The following ZNF583 variants were observed in gnomAD, a reference collection of about 807,000 sequenced individuals.
The protein encoded by ZNF583 is zinc finger protein 583.
A neutral mutation model predicts 55.3 loss-of-function variants in ZNF583; 30 were observed. The ratio of observed to expected loss-of-function variants is 0.54; its 90% confidence interval spans 0.41 to 0.74. The LOEUF is 0.74. Among genes scored for constraint, ZNF583 ranks in the 30% least tolerant of loss-of-function variants. The pLI is 0.00. For missense variants in ZNF583, 504 were observed against 664.7 expected, an observed-to-expected ratio of 0.76 and a Z score of 2.66; for synonymous variants, 208 against 220.0, an observed-to-expected ratio of 0.95 and a Z score of 0.48.
intron 4 of ZNF583, among the ~76,000 whole-genome samples, chr19:56,415,064 C>T (rs952257627): frequency 6.7e-6 from 1 of 149,822 alleles, no homozygotes; most frequent in Non-Finnish European, 1.5e-5. Flanking sequence ...TTGTTTTTCC[C>T]TTTCTCAGTT....
At chr19:56,419,975 C>T (rs1483857651) in intron 4 of ZNF583, among the ~76,000 whole-genome samples, 1 of 151,808 alleles carries the variant, frequency 6.6e-6, no homozygotes, top group African/African-American at 2.4e-5. Flanking sequence ...TTCTACTTTC[C>T]TTAAGTTTAC....
intron 4 of ZNF583, among the ~76,000 whole-genome samples, chr19:56,418,999 G>A (rs906262009): frequency 5.3e-5 from 8 of 151,580 alleles, no homozygotes; most frequent in Admixed American, 2.0e-4. Context: ...AAATGATCAT[G>A]TGATTTTTTT....
intron 4 of ZNF583, among the ~76,000 whole-genome samples, chr19:56,418,130 A>G (rs1198581455): frequency 6.6e-6 from 1 of 152,166 alleles, no homozygotes; most frequent in Non-Finnish European, 1.5e-5. Flanking sequence ...ATTTCATATA[A>G]ATTTTAGAAT....
rs375327654 is a variant in ZNF583 at position 56,424,410 on chromosome 19, C to T, written c.*42C>T. The T allele has an allele frequency of 3.6e-6, 3 of 822,354 alleles. No individual in the cohort carries two copies. The highest frequency in any genetic ancestry group is 6.0e-6 in the Non-Finnish European group (3 of 499,492). The allele number at this position is 822,354 out of a possible 1,614,324, so 50.9% of individuals were successfully genotyped here. A position where few individuals can be genotyped will look rare whatever the true frequency, so the allele number is the denominator to read the frequency against. ...CCTCTTGAATCCATTTCCATCCCAT[C>T]ATCCTTGTCCAATGCACATTAATAT... On this transcript the variant is annotated 3_prime_UTR_variant, in exon 5 of 5. Transcript: ENST00000333201.
At chr19:56,410,102 C>G (rs2042214146) in intron 2 of ZNF583, among the ~76,000 whole-genome samples, 1 of 152,110 alleles carries the variant, frequency 6.6e-6, no homozygotes, top group Non-Finnish European at 1.5e-5. Flanking sequence ...TTTGTAATTA[C>G]TGCTTTAGAA....
At chr19:56,408,613 C>T (rs1297584483) in intron 2 of ZNF583, among the ~76,000 whole-genome samples, 3 of 152,048 alleles carry the variant, frequency 2.0e-5, no homozygotes, top group Non-Finnish European at 4.4e-5. Context: ...GACATGTCCA[C>T]GTAACCAGTT....
chr19:56,422,803 T>C, intron 4 of ZNF583, 88 bp from the exon 5 acceptor site: 1 of 919,736 alleles, frequency 1.1e-6, no homozygotes, highest in Non-Finnish European at 1.6e-6. Flanking sequence ...ATCCTTTAAC[T>C]TGTGATGTAT....
chr19:56,420,781 T>C (rs1384443463), intron 4 of ZNF583, among the ~76,000 whole-genome samples: 3 of 152,194 alleles, frequency 2.0e-5, no homozygotes, highest in African/African-American at 7.2e-5. Flanking sequence ...TATTCTTATA[T>C]GTAATGTGAG....
chr19:56,408,162 C>A (rs1190614598), intron 2 of ZNF583, among the ~76,000 whole-genome samples: 2 of 152,124 alleles, frequency 1.3e-5, no homozygotes, highest in African/African-American at 2.4e-5. Flanking sequence ...AAAAAAAATT[C>A]TCTGCACTTA....
intron 4 of ZNF583, among the ~76,000 whole-genome samples, chr19:56,419,809 A>C (rs554719920): frequency 6.6e-6 from 1 of 152,144 alleles, no homozygotes; most frequent in Non-Finnish European, 1.5e-5. Flanking sequence ...TAATGTTTTT[A>C]AAAAACAGCT....
Position 56,423,520 on chromosome 19 carries a change from A to G in ZNF583, c.862A>G (p.Arg288Gly). ...SQNAHLAQHQ[R>G]VHTGEKPYQC... ...GAATGCACACCTGGCCCAACATCAGAGAGTTCATACTGGAGAGAAACCTTA... is the reference window on the plus strand; with the variant it reads ...GAATGCACACCTGGCCCAACATCAGGGAGTTCATACTGGAGAGAAACCTTA... Residue 288 changes from arginine to glycine, a missense_variant, in exon 5 of 5, where the codon AGA (arginine) becomes GGA (glycine). By Grantham distance (125) the Arg-to-Gly change is moderately radical. This residue lies in a region of ZNF583 where 237 missense variants were observed against 373.0 expected (regional missense o/e 0.64). Coordinates refer to ENST00000333201, the MANE Select transcript of ZNF583 (RefSeq NM_152478.3). The G allele has an allele frequency of 6.2e-7, 1 of 1,614,090 alleles. No individual in the cohort carries two copies. Among genetic ancestry groups the G allele is most frequent in the Non-Finnish European group, 8.5e-7 (1 of 1,179,976 alleles).
intron 3 of ZNF583, 64 bp from the exon 4 acceptor site, chr19:56,414,278 TTGA>T: frequency 6.4e-7 from 1 of 1,562,932 alleles, no homozygotes; most frequent in Admixed American, 1.7e-5. Context: ...TCCCACCTTC[TTGA>T]TGATGCAGAA....
In ZNF583 at chr19:56,420,451, C is replaced by G. The variant is rs2042396374; in HGVS notation, c.233-2440C>G. Among the ~76,000 whole-genome samples, 5 of 152,138 alleles carry G rather than the reference C, an allele frequency of 3.3e-5. No individual in the cohort carries two copies. The South Asian group carries it at 1.0e-3, about 31-fold the overall frequency. On this transcript the variant is annotated intron_variant, in intron 4 of 4. Transcript: ENST00000333201. Reference sequence around the variant, plus strand: ...ATAAATTAGATCAAAGTAGTTAACCCTGTTGAGATCCTCTTTGTTACTATT... The same window carrying G: ...ATAAATTAGATCAAAGTAGTTAACCGTGTTGAGATCCTCTTTGTTACTATT...
At chr19:56,417,148 A>G (rs2042338710) in intron 4 of ZNF583, among the ~76,000 whole-genome samples, 1 of 152,194 alleles carries the variant, frequency 6.6e-6, no homozygotes, top group African/African-American at 2.4e-5. Context: ...TAAAGTTGCT[A>G]TGCAGCTGTC....
chr19:56,407,076 A>G lies in ZNF583; in HGVS notation c.-39A>G. 1.2e-6 allele frequency: 2 copies of G among 1,613,088 alleles called. No individual in the cohort carries two copies. Among genetic ancestry groups the G allele is most frequent in the Non-Finnish European group, 1.7e-6 (2 of 1,179,164 alleles). The stretch of plus-strand genomic sequence containing the variant: ...TCTCCCACAGAGGAGCTGAAGGAGT[A>G]GGACAGAAGAACTGTCAAATTCTGG... On this transcript the variant is annotated 5_prime_UTR_variant, in exon 2 of 5. Coordinates refer to ENST00000333201, the MANE Select transcript of ZNF583 (RefSeq NM_152478.3).
intron 1 of ZNF583, among the ~76,000 whole-genome samples, chr19:56,405,065 A>G (rs2042124818): frequency 6.6e-6 from 1 of 151,992 alleles, no homozygotes; most frequent in Admixed American, 6.6e-5. Context: ...GTGTGAGGCT[A>G]TGTGTGGTTG....
intron 1 of ZNF583, among the ~76,000 whole-genome samples, chr19:56,405,010 T>G (rs1179646716): frequency 6.6e-6 from 1 of 151,846 alleles, no homozygotes; most frequent in Non-Finnish European, 1.5e-5. Context: ...ACCGTGTGTG[T>G]AGGATTAGAT....
Position 56,426,948 on chromosome 19 carries a change from A to G in ZNF583, c.*2580A>G, listed in dbSNP as rs2042495941. On this transcript the variant is annotated 3_prime_UTR_variant, in exon 5 of 5. Coordinates refer to ENST00000333201, the MANE Select transcript of ZNF583 (RefSeq NM_152478.3). ...AATGTAAATGATTCTTAAAAAAAAA[A>G]AAAAGGTGAGGCTTTTGAGTGGATG... The G allele has an allele frequency of 6.6e-6, 1 of 151,966 alleles. No individual in the cohort carries two copies. The highest frequency in any genetic ancestry group is 1.5e-5 in the Non-Finnish European group (1 of 68,000). 9.4% of individuals were successfully genotyped at this position (151,966 alleles called of 1,614,324 possible).
At chr19:56,405,989 T>C (rs2042141126) in intron 1 of ZNF583, among the ~76,000 whole-genome samples, 2 of 152,180 alleles carry the variant, frequency 1.3e-5, no homozygotes, top group Non-Finnish European at 2.9e-5. Context: ...GTAATGGCTT[T>C]ATTCTTCAAG....
Sources: gnomAD v4.1 joint callset for allele counts (sites outside exome capture counted in the v4.1 genomes callset) on GRCh38, gnomAD v4.1.1 for gene constraint, gnomAD v4.1.1 regional missense constraint, MANE v1.5 for transcripts, NCBI Gene and HGNC (gene_info 2026-07-23, HGNC 2026-07-21) for gene names.